The following THEM4 variants were observed in gnomAD, a reference collection of about 807,000 sequenced individuals.
THEM4 encodes the protein acyl-coenzyme A thioesterase THEM4.
THEM4 carries 22 observed loss-of-function variants against 25.0 expected under a neutral mutation model. The ratio of observed to expected loss-of-function variants is 0.88; its 90% CI spans 0.63 to 1.26. THEM4 has a LOEUF of 1.26. Among genes scored for constraint, THEM4 ranks in the 50% most tolerant of loss-of-function variants. The pLI is 0.00. For synonymous variants in THEM4, 113 were observed against 105.6 expected, an observed-to-expected ratio of 1.07 and a Z score of -0.43; for missense variants, 286 against 300.3, an observed-to-expected ratio of 0.95 and a Z score of 0.35.
rs72694820 is a variant in THEM4 at position 151,908,043 on chromosome 1, A to G, written c.99+1317T>C. ...TCCAGGGAGTCTAGCTCTGTCCCAC[A>G]GCAATTAAGCTCCTCTCTCTGGTGG... On this transcript the variant is annotated intron_variant, in intron 1 of 5. Coordinates refer to ENST00000368814, the MANE Select transcript of THEM4 (RefSeq NM_053055.5). Among the ~76,000 whole-genome samples, 1,327 of 152,320 alleles carry G rather than the reference A, an allele frequency of 8.7e-3. 13 individuals carry two copies. The highest frequency in any genetic ancestry group is 0.015 in the Non-Finnish European group (1,034 of 68,024).
At chr1:151,876,567 C>G (rs935463782) in intron 5 of THEM4, among the ~76,000 whole-genome samples, 2 of 151,860 alleles carry the variant, frequency 1.3e-5, no homozygotes, top group Non-Finnish European at 2.9e-5. Flanking sequence ...CCCATCTCAG[C>G]CTCCCAAGTA....
intron 1 of THEM4, among the ~76,000 whole-genome samples, chr1:151,904,102 TTCA>T (rs1342869794): frequency 3.9e-5 from 6 of 152,094 alleles, no homozygotes; most frequent in African/African-American, 1.4e-4. Context: ...GGATAAAAAG[TTCA>T]TTAAGGAGAG....
intron 1 of THEM4, among the ~76,000 whole-genome samples, chr1:151,899,697 G>A (rs1285780638): frequency 2.0e-5 from 3 of 152,140 alleles, no homozygotes; most frequent in Admixed American, 1.3e-4. Context: ...TCTTCCTGAG[G>A]AAGAGGACAA....
chr1:151,900,786 G>T (rs1654333081), intron 1 of THEM4, among the ~76,000 whole-genome samples: 1 of 152,194 alleles, frequency 6.6e-6, no homozygotes, highest in Non-Finnish European at 1.5e-5. Flanking sequence ...CCCAAATCTG[G>T]CCATAAACTG....
At chr1:151,884,329 C>A (rs899123503) in intron 4 of THEM4, among the ~76,000 whole-genome samples, 4 of 152,130 alleles carry the variant, frequency 2.6e-5, no homozygotes, top group African/African-American at 9.7e-5. Flanking sequence ...CTTTTAAATT[C>A]TTGCAGTGGA....
intron 4 of THEM4, among the ~76,000 whole-genome samples, chr1:151,884,109 A>AG (rs1265095185): frequency 7.3e-4 from 110 of 151,322 alleles, no homozygotes; most frequent in African/African-American, 2.0e-3. Flanking sequence ...AAATAAATAA[A>AG]TAAAGGAAGG....
intron 5 of THEM4, among the ~76,000 whole-genome samples, chr1:151,875,794 A>G (rs1170786656): frequency 1.3e-5 from 2 of 152,210 alleles, no homozygotes; most frequent in Non-Finnish European, 2.9e-5. Flanking sequence ...ATGGGAATCT[A>G]AAGAATCTCA....
chr1:151,877,320 C>T (rs1653706689), intron 4 of THEM4, among the ~76,000 whole-genome samples, 195 bp from the exon 5 acceptor site: 1 of 152,202 alleles, frequency 6.6e-6, no homozygotes, highest in South Asian at 2.1e-4. Flanking sequence ...CCAAGCACCA[C>T]TGCTCTCAGG....
chr1:151,889,305 G>A lies in THEM4; in HGVS notation c.355C>T (p.Leu119=). The A allele has an allele frequency of 6.2e-7, 1 of 1,613,954 alleles. No homozygotes were observed. The highest frequency in any genetic ancestry group is 8.5e-7 in the Non-Finnish European group (1 of 1,179,914). ...TAGAACATCACGTATTCAAAGCCCAGGCCATCATCAAAGCTTCTGGTGAAG... is the reference window on the plus strand; with the variant it reads ...TAGAACATCACGTATTCAAAGCCCAAGCCATCATCAAAGCTTCTGGTGAAG... ...QLFTRSFDDG[L]GFEYVMFYND... Residue 119 remains leucine (L), a synonymous_variant, in exon 3 of 6, where the codon CTG becomes TTG. Transcript: ENST00000368814.
At chr1:151,899,825 A>C (rs944888973) in intron 1 of THEM4, among the ~76,000 whole-genome samples, 1 of 152,236 alleles carries the variant, frequency 6.6e-6, no homozygotes, top group African/African-American at 2.4e-5. Flanking sequence ...AATTCATCAC[A>C]AAAAGATCTG....
intron 1 of THEM4, among the ~76,000 whole-genome samples, chr1:151,906,257 G>A (rs966703604): frequency 1.3e-5 from 2 of 152,352 alleles, no homozygotes; most frequent in South Asian, 4.1e-4. Context: ...CCGGCCCCAC[G>A]CAATGAGGGG....
intron 1 of THEM4, among the ~76,000 whole-genome samples, chr1:151,896,025 C>T (rs1654215951): frequency 1.4e-5 from 2 of 141,980 alleles, no homozygotes; most frequent in African/African-American, 2.6e-5. Context: ...CAGAGTCCCA[C>T]TCTGTTGTCC....
intron 2 of THEM4, among the ~76,000 whole-genome samples, chr1:151,894,478 G>A (rs1654174013): frequency 6.6e-6 from 1 of 152,084 alleles, no homozygotes. Context: ...AAGGGTATAT[G>A]GGAACTCTCT....
At chr1:151,888,752 C>T (rs919759854) in intron 3 of THEM4, among the ~76,000 whole-genome samples, 2 of 152,066 alleles carry the variant, frequency 1.3e-5, no homozygotes, top group African/African-American at 4.8e-5. Flanking sequence ...TGCTTGAGCC[C>T]AGGAGTTCGA....
intron 1 of THEM4, among the ~76,000 whole-genome samples, chr1:151,908,558 T>C (rs1310271428): frequency 6.6e-6 from 1 of 152,214 alleles, no homozygotes; most frequent in Non-Finnish European, 1.5e-5. Flanking sequence ...TATTGGCCGC[T>C]TGGTGGAGCT....
intron 1 of THEM4, among the ~76,000 whole-genome samples, chr1:151,899,595 C>T (rs1654307159): frequency 6.6e-6 from 1 of 151,578 alleles, no homozygotes; most frequent in Admixed American, 6.6e-5. Flanking sequence ...TAACCTAATC[C>T]AACAAAGAGA....
At chr1:151,885,812 A>G (rs1354449045) in intron 4 of THEM4, among the ~76,000 whole-genome samples, 2 of 152,242 alleles carry the variant, frequency 1.3e-5, no homozygotes, top group African/African-American at 4.8e-5. Flanking sequence ...GCTGGAAATT[A>G]TTTGAAATCA....
rs547657927 is a variant in THEM4, at chr1:151,907,331, C to T, written c.99+2029G>A. Among the ~76,000 whole-genome samples the T allele has an allele frequency of 2.6e-5, 4 of 152,296 alleles. No individual in the cohort carries two copies. In the South Asian group the frequency reaches 6.2e-4, roughly 24 times the overall value. On this transcript the variant is annotated intron_variant, in intron 1 of 5. Transcript: ENST00000368814. ...AACTATAACACTCACCACGAGGGTC[C>T]GTGGCTTCTTTCTTGAAGTCAGTGA...
chr1:151,883,015 G>A (rs1157192882), intron 4 of THEM4, among the ~76,000 whole-genome samples: 1 of 151,908 alleles, frequency 6.6e-6, no homozygotes, highest in Non-Finnish European at 1.5e-5. Flanking sequence ...AAGGGAAAGG[G>A]GAAGGGGAAG....
Sources: allele counts gnomAD v4.1 joint callset (sites outside exome capture counted in the v4.1 genomes callset), GRCh38; gene constraint gnomAD v4.1.1; transcripts MANE v1.5; gene names NCBI Gene and HGNC (gene_info 2026-07-23, HGNC 2026-07-21).